The following TJP1 variants were observed in gnomAD, a reference collection of about 807,000 sequenced individuals.
The protein encoded by TJP1 is tight junction protein ZO-1.
A neutral mutation model predicts 194.2 loss-of-function variants in TJP1; 43 were observed. That is an observed-to-expected ratio of 0.22 (90% CI 0.17 to 0.29). TJP1 has a LOEUF of 0.29. Ranked by LOEUF, TJP1 falls within the 10% of genes least tolerant of loss-of-function variation. The probability of loss-of-function intolerance (pLI) is 1.00; values close to 1 mark genes in which losing one functional copy is unlikely to be tolerated. For synonymous variants in TJP1, 801 were observed against 779.0 expected, an observed-to-expected ratio of 1.03 and a Z score of -0.47; for missense variants, 1,971 against 2,185.7, an observed-to-expected ratio of 0.90 and a Z score of 1.96.
intron 20 of TJP1, 140 bp downstream of exon 20, chr15:29,719,637 A>G (rs543039792): frequency 1.8e-6 from 2 of 1,103,050 alleles, no homozygotes; most frequent in South Asian, 2.0e-5. Context: ...AACTGAAATG[A>G]TTTGTATTGA....
chr15:29,789,474 A>C (rs1297539033), intron 2 of TJP1, among the ~76,000 whole-genome samples: 1 of 152,192 alleles, frequency 6.6e-6, no homozygotes, highest in East Asian at 1.9e-4. Context: ...CAGGGCCCAC[A>C]AGAGTACAAC....
At chr15:29,769,144 TAATCTGACTACAGAA>T (rs2046499885) in intron 4 of TJP1, among the ~76,000 whole-genome samples, 1 of 152,170 alleles carries the variant, frequency 6.6e-6, no homozygotes, top group Non-Finnish European at 1.5e-5. Context: ...AAAAGGCTAA[TAATCTGACTACAGAA>T]AACACTCTAG....
intron 1 of TJP1, among the ~76,000 whole-genome samples, chr15:29,808,726 G>A (rs920751135): frequency 1.3e-5 from 2 of 152,120 alleles, no homozygotes; most frequent in Non-Finnish European, 2.9e-5. Flanking sequence ...GTAGATGAAG[G>A]AGAGTTTCTT....
At chr15:29,914,913 C>T (rs2054137674) in intron 2 of TJP1, among the ~76,000 whole-genome samples, 1 of 152,082 alleles carries the variant, frequency 6.6e-6, no homozygotes, top group Admixed American at 6.6e-5. Flanking sequence ...CAGGCACACA[C>T]TCACCAACTG....
At chr15:29,816,344 T>C (rs1232829593) in intron 1 of TJP1, among the ~76,000 whole-genome samples, 69 of 152,128 alleles carry the variant, frequency 4.5e-4, no homozygotes, top group Admixed American at 4.5e-3. Context: ...CCTAATAATA[T>C]AATGTAATTT....
intron 2 of TJP1, among the ~76,000 whole-genome samples, chr15:29,895,720 T>G (rs1772448515): frequency 6.6e-6 from 1 of 152,204 alleles, no homozygotes; most frequent in Admixed American, 6.5e-5. Context: ...CTATCCATTA[T>G]CCAGTTCCAA....
chr15:29,764,818 T>C (rs923057089), intron 5 of TJP1, among the ~76,000 whole-genome samples: 1 of 152,166 alleles, frequency 6.6e-6, no homozygotes, highest in Non-Finnish European at 1.5e-5. Context: ...TAAGTGAATA[T>C]GCCTAACAGT....
chr15:29,723,658 C>T (rs1031947412), intron 18 of TJP1, among the ~76,000 whole-genome samples: 1 of 152,174 alleles, frequency 6.6e-6, no homozygotes, highest in Non-Finnish European at 1.5e-5. Flanking sequence ...GTGGTTGCTA[C>T]ATTAAGAAGA....
intron 2 of TJP1, among the ~76,000 whole-genome samples, chr15:29,939,269 T>G (rs2054986991): frequency 6.6e-6 from 1 of 152,188 alleles, no homozygotes. Flanking sequence ...ATACGATCTT[T>G]TAGTCATTAT....
chr15:29,780,884 C>T (rs374886159), intron 2 of TJP1, among the ~76,000 whole-genome samples: 28 of 151,900 alleles, frequency 1.8e-4, no homozygotes, highest in East Asian at 9.7e-4. Flanking sequence ...ACAATACATA[C>T]GACATTAACA....
At chr15:29,909,786 C>A (rs1719041) in intron 2 of TJP1, among the ~76,000 whole-genome samples, 38,989 of 151,668 alleles carry the variant, frequency 0.26, 5,242 homozygotes, top group Middle Eastern at 0.34. Flanking sequence ...TTTATGCACT[C>A]GGGCCAAGCT....
chr15:29,848,414 T>C (rs2051503115), intron 2 of TJP1, among the ~76,000 whole-genome samples: 1 of 152,260 alleles, frequency 6.6e-6, no homozygotes, highest in South Asian at 2.1e-4. Context: ...TGAACATTTA[T>C]ATTTTAAGTA....
intron 2 of TJP1, among the ~76,000 whole-genome samples, chr15:29,914,172 G>T (rs2152232953): frequency 6.6e-6 from 1 of 152,146 alleles, no homozygotes; most frequent in East Asian, 1.9e-4. Flanking sequence ...GAGGATTTTT[G>T]TAAGTTAGAA....
chr15:29,762,480 G>C (rs1249664905), intron 5 of TJP1, 42 bp from the exon 6 acceptor site: 2 of 1,453,044 alleles, frequency 1.4e-6, no homozygotes, highest in Non-Finnish European at 1.9e-6. Context: ...AACATCCTAA[G>C]ACACCTAAAT....
At chr15:29,894,276 C>T (rs1247593900) in intron 2 of TJP1, among the ~76,000 whole-genome samples, 4 of 152,098 alleles carry the variant, frequency 2.6e-5, no homozygotes, top group African/African-American at 4.8e-5. Flanking sequence ...CTGGCCAACA[C>T]AGGGAAGCCC....
chr15:29,932,000 A>C (rs1184867668), intron 2 of TJP1, among the ~76,000 whole-genome samples: 2 of 152,208 alleles, frequency 1.3e-5, no homozygotes, highest in Non-Finnish European at 2.9e-5. Context: ...GGACCACCAG[A>C]AGTCACTCTT....
intron 2 of TJP1, among the ~76,000 whole-genome samples, chr15:29,908,331 T>C (rs970537638): frequency 1.3e-5 from 2 of 152,084 alleles, no homozygotes; most frequent in Non-Finnish European, 2.9e-5. Context: ...GACTGGGATA[T>C]CAGAATAGCA....
intron 2 of TJP1, among the ~76,000 whole-genome samples, chr15:29,830,960 G>GA (rs1567114331): frequency 6.6e-6 from 1 of 151,720 alleles, no homozygotes; most frequent in Admixed American, 6.6e-5. Context: ...CAAAAGAAAA[G>GA]AAACAAACAA....
intron 2 of TJP1, among the ~76,000 whole-genome samples, chr15:29,791,865 T>TCAC (rs1269387023): frequency 6.6e-6 from 1 of 152,110 alleles, no homozygotes; most frequent in Non-Finnish European, 1.5e-5. Flanking sequence ...TTTATCTGAT[T>TCAC]AGTGATGTTG....
Sources: allele counts gnomAD v4.1 joint callset (sites outside exome capture counted in the v4.1 genomes callset), GRCh38; gene constraint gnomAD v4.1.1; transcripts MANE v1.5; gene names NCBI Gene and HGNC (gene_info 2026-07-23, HGNC 2026-07-21).